Variants in RTF2 observed in about 807,000 individuals in gnomAD.
The protein encoded by RTF2 is UPF0549 protein C20orf43.
RTF2 carries 18 observed loss-of-function variants against 38.0 expected under a neutral mutation model. The ratio of observed to expected loss-of-function variants is 0.47; its 90% confidence interval spans 0.33 to 0.70. The LOEUF is 0.70. Ranked by LOEUF, RTF2 falls within the 30% of genes least tolerant of loss-of-function variation. The pLI is 0.02. For synonymous variants in RTF2, 126 were observed against 137.1 expected, an observed-to-expected ratio of 0.92 and a Z score of 0.57; for missense variants, 311 against 379.6, an observed-to-expected ratio of 0.82 and a Z score of 1.50.
At chr20:56,491,676 C>T (rs373308765) in intron 5 of RTF2, 185 of 1,552,268 alleles carry the variant, frequency 1.2e-4, no homozygotes, top group Middle Eastern at 1.7e-4. Flanking sequence ...CAGGTAACCA[C>T]AAGCGGGTCT....
chr20:56,513,991 C>A (rs1281948400), intron 6 of RTF2: 6 of 153,638 alleles, frequency 3.9e-5, no homozygotes, highest in South Asian at 4.1e-4. Flanking sequence ...CTCACCCACT[C>A]CCAGGGCGTG....
At chr20:56,476,053 A>G (rs1388118872) in intron 3 of RTF2, among the ~76,000 whole-genome samples, 1 of 152,216 alleles carries the variant, frequency 6.6e-6, no homozygotes, top group Non-Finnish European at 1.5e-5. Context: ...TGAAGTCAAA[A>G]TGGTCTCATT....
At position 56,519,195 on chromosome 20, in the gene RTF2, C is replaced by A. The variant is rs773564200; in HGVS notation, c.*930C>A. On this transcript the variant is annotated 3_prime_UTR_variant, in exon 9 of 9. Transcript: ENST00000357348. ...TAGTGACTGGTTCTCTATACAGACC[C>A]CGGGGCCCTGGGTTTCCTTCAGAAG... 1 of 152,220 alleles carries A rather than the reference C, an allele frequency of 6.6e-6. No homozygotes were observed. The highest frequency in any genetic ancestry group is 1.5e-5 in the Non-Finnish European group (1 of 68,112). 9.4% of individuals were successfully genotyped at this position (152,220 alleles called of 1,614,324 possible). A position where few individuals can be genotyped will look rare whatever the true frequency, so the allele number is the denominator to read the frequency against.
intron 4 of RTF2, among the ~76,000 whole-genome samples, chr20:56,477,990 T>C (rs1466197794): frequency 6.6e-6 from 1 of 152,224 alleles, no homozygotes; most frequent in Non-Finnish European, 1.5e-5. Context: ...TATTTTCCTC[T>C]TTAAAAAATA....
intron 5 of RTF2, chr20:56,496,996 A>G (rs749089800): frequency 4.6e-5 from 71 of 1,551,778 alleles, no homozygotes; most frequent in Non-Finnish European, 5.7e-5. Flanking sequence ...TCCTGTCCAC[A>G]AAGATTGATG....
At chr20:56,513,607 G>A (rs1277815483) in intron 6 of RTF2, among the ~76,000 whole-genome samples, 179 bp downstream of exon 6, 3 of 152,158 alleles carry the variant, frequency 2.0e-5, no homozygotes, top group Non-Finnish European at 2.9e-5. Context: ...GCCTTGCTGT[G>A]GTGAGCACGG....
In RTF2 at chr20:56,477,952, T is replaced by A. The variant is rs75028913; in HGVS notation, c.398+828T>A. Among the ~76,000 whole-genome samples, 8 of 152,364 alleles carry A rather than the reference T, an allele frequency of 5.3e-5. No homozygotes were observed. The East Asian group carries it at 1.5e-3, about 29-fold the overall frequency. On this transcript the variant is annotated intron_variant, in intron 4 of 8. Transcript: ENST00000357348. ...AGCACTGGGAATCTTATGGTTGAGA[T>A]GTGTGTAGCAAATGTAAGCAACCTG...
At chr20:56,495,081 T>C (rs1464159959) in intron 5 of RTF2, 4 of 702,730 alleles carry the variant, frequency 5.7e-6, no homozygotes, top group Non-Finnish European at 9.6e-6. Flanking sequence ...AATTGGATCA[T>C]CACTAATTCC....
intron 4 of RTF2, 148 bp downstream of exon 4, chr20:56,477,272 C>A: frequency 1.2e-6 from 1 of 828,622 alleles, no homozygotes; most frequent in Non-Finnish European, 1.9e-6. Flanking sequence ...GGTGCTTGGT[C>A]ATGAGCACGT....
intron 5 of RTF2, among the ~76,000 whole-genome samples, chr20:56,512,946 T>C (rs1460832728): frequency 2.0e-5 from 3 of 152,298 alleles, no homozygotes; most frequent in South Asian, 2.1e-4. Flanking sequence ...CGGCCCAGCA[T>C]GTTCCAGAAT....
At chr20:56,479,558 G>A (rs2146322348) in intron 4 of RTF2, among the ~76,000 whole-genome samples, 1 of 152,286 alleles carries the variant, frequency 6.6e-6, no homozygotes, top group East Asian at 1.9e-4. Context: ...ATCTAGAATG[G>A]TGAATTCTTT....
chr20:56,492,398 A>C (rs1983213193), intron 5 of RTF2, among the ~76,000 whole-genome samples: 1 of 145,782 alleles, frequency 6.9e-6, no homozygotes, highest in South Asian at 2.4e-4. Context: ...TTTGTTTTTC[A>C]GAGTGAACAT....
rs57274640 is a variant in RTF2 at position 56,493,656 on chromosome 20, CA to C, written c.477+9483del. Among the ~76,000 whole-genome samples, 436 of 117,948 alleles carry C rather than the reference CA, an allele frequency of 3.7e-3. 1 individual carries two copies. The highest frequency in any genetic ancestry group is 6.6e-3 in the African/African-American group (209 of 31,694). 77.4% of individuals were successfully genotyped at this position (117,948 alleles called of 152,430 possible). A position where few individuals can be genotyped will look rare whatever the true frequency, so the allele number is the denominator to read the frequency against. ...TGGGTGACAGAGCGAGACCCTGTCT[CA>C]AAAAAAAAAAAAAAAGACTACAAAT... On this transcript the variant is annotated intron_variant, in intron 5 of 8. Coordinates refer to ENST00000357348, the MANE Select transcript of RTF2 (RefSeq NM_016407.5).
chr20:56,517,119 A>T lies in RTF2; in HGVS notation c.660A>T (p.Pro220=). ...KPDVSEEAPG[P]SKVKTGKPEE... is the part of the protein sequence containing the mutation. ...TTTCTTTTACAGAAGCCCCAGGGCC[A>T]TCAAAAGTTAAGACAGGGAAGCCTG... The change falls in exon 8 of 9, where the codon CCA becomes CCT. Residue 220 remains proline (P), a synonymous_variant. Transcript: ENST00000357348. The T allele has an allele frequency of 6.2e-7, 1 of 1,614,178 alleles. No homozygotes were observed. The highest frequency in any genetic ancestry group is 8.5e-7 in the Non-Finnish European group (1 of 1,180,020).
chr20:56,486,955 G>A (rs1568696855), intron 5 of RTF2, among the ~76,000 whole-genome samples: 1 of 152,170 alleles, frequency 6.6e-6, no homozygotes, highest in Non-Finnish European at 1.5e-5. Context: ...AGAGGCCGAG[G>A]TGTGAGTCGG....
rs202149930 is a variant in RTF2 at position 56,517,203 on chromosome 20, T to C, written c.742+2T>C. The C allele has an allele frequency of 6.2e-7, 1 of 1,612,658 alleles. No homozygotes were observed. The highest frequency in any genetic ancestry group is 1.7e-5 in the Admixed American group (1 of 59,914). Reference sequence around the variant, plus strand: ...CCAACTTGGCTCCCAAAAGCACAGGTGGGTCCTGTTGTAGCTACAGGGAGC... The same window carrying C: ...CCAACTTGGCTCCCAAAAGCACAGGCGGGTCCTGTTGTAGCTACAGGGAGC... On this transcript the variant is annotated splice_donor_variant, in intron 8 of 8. Transcript: ENST00000357348. LOFTEE classifies it high-confidence loss of function.
At chr20:56,506,939 A>G (rs1379960729) in intron 5 of RTF2, among the ~76,000 whole-genome samples, 4 of 152,050 alleles carry the variant, frequency 2.6e-5, no homozygotes, top group Non-Finnish European at 5.9e-5. Flanking sequence ...TGACCTCGTG[A>G]TCCGCCCGCC....
chr20:56,496,572 T>G, intron 5 of RTF2: 1 of 1,425,322 alleles, frequency 7.0e-7, no homozygotes. Context: ...AATCAATCAA[T>G]CAATCAATCT....
Position 56,484,049 on chromosome 20 carries a change from G to A in RTF2, c.399-62G>A, listed in dbSNP as rs1482643646. 6.4e-6 allele frequency: 9 copies of A among 1,410,460 alleles called. No individual in the cohort carries two copies. In the East Asian group the frequency reaches 6.9e-5, roughly 11 times the overall value. 87.4% of individuals were successfully genotyped at this position (1,410,460 alleles called of 1,614,324 possible). A position where few individuals can be genotyped will look rare whatever the true frequency, so the allele number is the denominator to read the frequency against. On this transcript the variant is annotated intron_variant, in intron 4 of 8. Coordinates refer to ENST00000357348, the MANE Select transcript of RTF2 (RefSeq NM_016407.5). ...GTGGTTCTTGGCCTTTGTATCAACC[G>A]AATAAATGTGAATTGATCATGTGAT... is the stretch of plus-strand genomic sequence containing the variant.
Sources: allele counts gnomAD v4.1 joint callset (sites outside exome capture counted in the v4.1 genomes callset), GRCh38; gene constraint gnomAD v4.1.1; transcripts MANE v1.5; gene names NCBI Gene and HGNC (gene_info 2026-07-23, HGNC 2026-07-21).